The following CPA6 variants were observed in gnomAD, a reference collection of about 807,000 sequenced individuals.
The protein encoded by CPA6 is carboxypeptidase A6.
Under a neutral mutation model 63.3 loss-of-function variants are expected in CPA6, and 58 were observed. That is an observed-to-expected ratio of 0.92 (90% confidence interval 0.74 to 1.14). The LOEUF (loss-of-function observed/expected upper bound fraction) is 1.14, where lower values mean the gene tolerates loss of function less well. Among genes scored for constraint, CPA6 ranks in the 50% most tolerant of loss-of-function variants. The pLI, the probability that CPA6 is intolerant of heterozygous loss-of-function variation, is 0.00. For synonymous variants in CPA6, 185 were observed against 179.0 expected (o/e 1.03, Z -0.27); for missense variants, 565 against 526.6 (o/e 1.07, Z -0.71).
chr8:67,630,361 A>C (rs1419306951), intron 1 of CPA6, among the ~76,000 whole-genome samples: 4 of 152,096 alleles, frequency 2.6e-5, no homozygotes, highest in East Asian at 3.9e-4. Context: ...GTGGGGGGAA[A>C]CTGAGTACCT....
intron 2 of CPA6, among the ~76,000 whole-genome samples, chr8:67,621,801 C>G (rs931488642): frequency 2.0e-5 from 3 of 152,150 alleles, no homozygotes; most frequent in African/African-American, 7.2e-5. Context: ...TGAGTTGTCC[C>G]CTAAGCTCCT....
At position 67,552,643 on chromosome 8, in the gene CPA6, C is replaced by T. The variant is rs993852882; in HGVS notation, c.193-34596G>A. ...AAAAAATTAGCTGGACGTGGTGGCA[C>T]GTGCCTGTAGTCCCAGCTACTCGGG... On this transcript the variant is annotated intron_variant, in intron 2 of 10. Transcript: ENST00000297770. 6.6e-5 allele frequency among the ~76,000 whole-genome samples: 10 copies of T among 151,540 alleles called. 1 individual carries two copies. Among genetic ancestry groups the T allele is most frequent in the South Asian group, 4.2e-4 (2 of 4,788 alleles).
At chr8:67,471,378 T>A (rs1315634456) in intron 8 of CPA6, among the ~76,000 whole-genome samples, 1 of 152,196 alleles carries the variant, frequency 6.6e-6, no homozygotes, top group Non-Finnish European at 1.5e-5. Flanking sequence ...GTTGAATACA[T>A]GAATGACTAA....
At chr8:67,497,735 A>G (rs529639413) in intron 6 of CPA6, among the ~76,000 whole-genome samples, 180 of 151,266 alleles carry the variant, frequency 1.2e-3, no homozygotes, top group Middle Eastern at 6.8e-3. Context: ...TCTGTTGCCC[A>G]CGCTGGAGTG....
Position 67,506,749 on chromosome 8 carries a change from C to T in CPA6, c.636+38G>A, listed in dbSNP as rs79263491. The T allele has an allele frequency of 6.1e-3, 8,197 of 1,339,056 alleles. 384 individuals are homozygous for T. In the African/African-American group the frequency reaches 0.1, roughly 17 times the overall value. The allele number at this position is 1,339,056 out of a possible 1,614,324, so 82.9% of individuals were successfully genotyped here. A position where few individuals can be genotyped will look rare whatever the true frequency, so the allele number is the denominator to read the frequency against. On this transcript the variant is annotated intron_variant, in intron 6 of 10. Coordinates refer to ENST00000297770, the MANE Select transcript of CPA6 (RefSeq NM_020361.5). Reference sequence around the variant, plus strand: ...GAATAAAAACACAGGGAAGCACTGACTAGCTGAAATGGACATTGTGTAAAG... The same window carrying T: ...GAATAAAAACACAGGGAAGCACTGATTAGCTGAAATGGACATTGTGTAAAG...
intron 1 of CPA6, among the ~76,000 whole-genome samples, chr8:67,669,921 A>G (rs1296307820): frequency 6.6e-6 from 1 of 152,208 alleles, no homozygotes; most frequent in African/African-American, 2.4e-5. Context: ...TCTAGGTCAC[A>G]AAAGGTTAAA....
intron 8 of CPA6, 59 bp downstream of exon 8, chr8:67,483,709 T>C: frequency 7.3e-7 from 1 of 1,376,318 alleles, no homozygotes. Context: ...GACTCATATT[T>C]TGCAGAGTAA....
At chr8:67,686,084 T>C (rs913091419) in intron 1 of CPA6, among the ~76,000 whole-genome samples, 9 of 152,204 alleles carry the variant, frequency 5.9e-5, no homozygotes, top group African/African-American at 1.9e-4. Flanking sequence ...TAGCATATAG[T>C]AGGTCTCAAA....
chr8:67,718,461 G>A (rs1053010240), intron 1 of CPA6, among the ~76,000 whole-genome samples: 4 of 152,120 alleles, frequency 2.6e-5, no homozygotes, highest in Non-Finnish European at 5.9e-5. Context: ...GGTTATGTAT[G>A]GCTGTGATGA....
At chr8:67,558,095 C>G (rs76840262) in intron 2 of CPA6, among the ~76,000 whole-genome samples, 1 of 152,316 alleles carries the variant, frequency 6.6e-6, no homozygotes, top group Non-Finnish European at 1.5e-5. Context: ...TTCACTCCAG[C>G]CAGACAAGCT....
chr8:67,565,154 G>A (rs1042632311), intron 2 of CPA6, among the ~76,000 whole-genome samples: 2 of 117,046 alleles, frequency 1.7e-5, no homozygotes, highest in African/African-American at 2.5e-5. Flanking sequence ...ATGCCACAGC[G>A]TTTTTCTTTT....
rs527354838 is a variant in CPA6, at chr8:67,425,064, T to C, written c.1127-2373A>G. On this transcript the variant is annotated intron_variant, in intron 10 of 10. Coordinates refer to ENST00000297770, the MANE Select transcript of CPA6 (RefSeq NM_020361.5). ...ACAGTACCTGCATAACATAGGGTTG[T>C]TGGGAAAATTAAATAAAGTAATAAA... is the stretch of plus-strand genomic sequence containing the variant. 9.2e-5 allele frequency among the ~76,000 whole-genome samples: 14 copies of C among 152,324 alleles called. No homozygotes were observed. In the South Asian group the frequency reaches 2.5e-3, roughly 27 times the overall value.
Position 67,635,107 on chromosome 8 carries a change from C to G in CPA6, c.117-10856G>C, listed in dbSNP as rs181078330. ...CTTGTTATGTTGCCCAGGCTGTTCT[C>G]TAACTCCTGCACTCAACTGATCCTT... On this transcript the variant is annotated intron_variant, in intron 1 of 10. Transcript: ENST00000297770. Among the ~76,000 whole-genome samples, 6 of 151,578 alleles carry G rather than the reference C, an allele frequency of 4.0e-5. No homozygotes were observed. In the South Asian group the frequency reaches 1.2e-3, roughly 31 times the overall value.
intron 6 of CPA6, among the ~76,000 whole-genome samples, chr8:67,494,806 A>C (rs924202805): frequency 3.3e-5 from 5 of 152,230 alleles, no homozygotes; most frequent in African/African-American, 1.2e-4. Context: ...TTATCAGCTT[A>C]TGTAATACAG....
At chr8:67,599,862 A>G (rs1814447002) in intron 2 of CPA6, among the ~76,000 whole-genome samples, 1 of 152,214 alleles carries the variant, frequency 6.6e-6, no homozygotes, top group Non-Finnish European at 1.5e-5. Context: ...GAGGAAAATA[A>G]TAATTCATAG....
At chr8:67,488,462 A>C (rs1472179955) in intron 6 of CPA6, among the ~76,000 whole-genome samples, 1 of 152,154 alleles carries the variant, frequency 6.6e-6, no homozygotes, top group Non-Finnish European at 1.5e-5. Flanking sequence ...GTAGCCTTGT[A>C]GTACAGTTTG....
intron 2 of CPA6, among the ~76,000 whole-genome samples, chr8:67,523,372 T>A (rs1812298973): frequency 6.6e-6 from 1 of 151,820 alleles, no homozygotes; most frequent in Non-Finnish European, 1.5e-5. Context: ...ACTAAAAATA[T>A]AAAAAAATTA....
intron 6 of CPA6, among the ~76,000 whole-genome samples, chr8:67,501,770 G>T (rs1390303435): frequency 6.6e-6 from 1 of 152,178 alleles, no homozygotes; most frequent in Non-Finnish European, 1.5e-5. Context: ...AATTGGAAGT[G>T]TTCCAACCTC....
chr8:67,521,351 G>A (rs1812253749), intron 2 of CPA6, among the ~76,000 whole-genome samples: 1 of 152,224 alleles, frequency 6.6e-6, no homozygotes, highest in Non-Finnish European at 1.5e-5. Context: ...AGCTCTGGCA[G>A]CATTGGCTAT....
Sources: allele counts gnomAD v4.1 joint callset (sites outside exome capture counted in the v4.1 genomes callset), GRCh38; gene constraint gnomAD v4.1.1; transcripts MANE v1.5; gene names NCBI Gene and HGNC (gene_info 2026-07-23, HGNC 2026-07-21).